Variants in CDH23 observed in about 807,000 individuals in gnomAD.
The protein encoded by CDH23 is cadherin-23.
A neutral mutation model predicts 317.1 loss-of-function variants in CDH23; 189 were observed. That is an observed-to-expected ratio of 0.60 (90% CI 0.53 to 0.67). The LOEUF (loss-of-function observed/expected upper bound fraction) is 0.67. Ranked by LOEUF, CDH23 falls within the 30% of genes least tolerant of loss-of-function variation. The probability of loss-of-function intolerance (pLI) is 0.00; values close to 1 mark genes in which losing one functional copy is unlikely to be tolerated. For synonymous variants in CDH23, 1,839 were observed against 1,876.8 expected, an observed-to-expected ratio of 0.98 and a Z score of 0.52; for missense variants, 4,401 against 4,592.4, an observed-to-expected ratio of 0.96 and a Z score of 1.20.
At chr10:71,620,522 A>G (rs564021147) in intron 11 of CDH23, among the ~76,000 whole-genome samples, 1 of 152,286 alleles carries the variant, frequency 6.6e-6, no homozygotes, top group Admixed American at 6.5e-5. Context: ...AAATGTCTGC[A>G]GGAATGCCCA....
chr10:71,663,490 C>G (rs1428045870), intron 14 of CDH23, among the ~76,000 whole-genome samples: 1 of 152,250 alleles, frequency 6.6e-6, no homozygotes, highest in African/African-American at 2.4e-5. Context: ...CTGGACTCCT[C>G]TCGGCCCTTG....
At chr10:71,445,677 A>T (rs1850121878) in intron 2 of CDH23, among the ~76,000 whole-genome samples, 1 of 152,052 alleles carries the variant, frequency 6.6e-6, no homozygotes, top group South Asian at 2.1e-4. Flanking sequence ...TCCCCACTGC[A>T]TCTATACAAA....
At chr10:71,539,034 G>T (rs1396646012) in intron 6 of CDH23, among the ~76,000 whole-genome samples, 2 of 152,232 alleles carry the variant, frequency 1.3e-5, no homozygotes, top group East Asian at 3.8e-4. Flanking sequence ...GGAACCTGGG[G>T]AGTTTCCGGT....
chr10:71,543,298 C>G (rs1856084927), intron 6 of CDH23, among the ~76,000 whole-genome samples: 4 of 152,164 alleles, frequency 2.6e-5, no homozygotes, highest in Admixed American at 2.6e-4. Flanking sequence ...CTGTTGTCCC[C>G]GAGGACCTCC....
At chr10:71,647,612 C>A (rs1483494445) in intron 14 of CDH23, 1 of 152,256 alleles carries the variant, frequency 6.6e-6, no homozygotes, top group Non-Finnish European at 1.5e-5. Context: ...CAATTTATCA[C>A]CCCTAGTGGG....
At chr10:71,564,968 C>A (rs926388894) in intron 6 of CDH23, among the ~76,000 whole-genome samples, 2 of 152,226 alleles carry the variant, frequency 1.3e-5, no homozygotes, top group African/African-American at 4.8e-5. Flanking sequence ...TTATATTATT[C>A]ATGGCTAGAT....
intron 9 of CDH23, among the ~76,000 whole-genome samples, chr10:71,586,510 A>G (rs1859074027): frequency 2.6e-5 from 4 of 152,242 alleles, no homozygotes; most frequent in South Asian, 4.1e-4. Flanking sequence ...CCTTAATAAT[A>G]TTGTGGATGC....
At chr10:71,603,565 G>A (rs867902687) in intron 9 of CDH23, among the ~76,000 whole-genome samples, 41 of 152,174 alleles carry the variant, frequency 2.7e-4, no homozygotes, top group African/African-American at 9.7e-4. Flanking sequence ...GGGTGTTTGG[G>A]CCTACCTGCC....
intron 18 of CDH23, among the ~76,000 whole-genome samples, chr10:71,684,630 G>T (rs377260080): frequency 1.3e-5 from 2 of 152,216 alleles, no homozygotes; most frequent in East Asian, 3.8e-4. Context: ...GCTGAAATGG[G>T]ATTGTGCAGG....
At chr10:71,535,351 C>T (rs1855638490) in intron 6 of CDH23, among the ~76,000 whole-genome samples, 1 of 152,224 alleles carries the variant, frequency 6.6e-6, no homozygotes, top group Admixed American at 6.5e-5. Context: ...CAGGGCGTGG[C>T]CCCTCCTGCC....
intron 38 of CDH23, among the ~76,000 whole-genome samples, chr10:71,772,955 G>C (rs1840720658): frequency 6.6e-6 from 1 of 152,236 alleles, no homozygotes; most frequent in Non-Finnish European, 1.5e-5. Context: ...AGAGCCCTGA[G>C]ACTAGAGGGG....
chr10:71,759,914 CATAT>C lies in CDH23; in HGVS notation c.4846-17762_4846-17759del, dbSNP rs1564779323. On this transcript the variant is annotated intron_variant, in intron 38 of 69. Coordinates refer to ENST00000224721, the MANE Select transcript of CDH23 (RefSeq NM_022124.6). ...ACACACACACATATATACACACACA[CATAT>C]ATACACACACACATATATACACACA... Among the ~76,000 whole-genome samples the C allele has an allele frequency of 7.0e-5, 4 of 56,820 alleles. 1 individual carries two copies. The highest frequency in any genetic ancestry group is 4.0e-4 in the Admixed American group (2 of 4,994). 37.3% of individuals were successfully genotyped at this position (56,820 alleles called of 152,430 possible).
chr10:71,758,245 A>G (rs1045340400), intron 38 of CDH23, among the ~76,000 whole-genome samples: 3 of 152,134 alleles, frequency 2.0e-5, no homozygotes, highest in Admixed American at 2.0e-4. Flanking sequence ...GTAGCCTTTG[A>G]GTTGGGTTTT....
In CDH23 at chr10:71,535,719, G is replaced by T. The variant is rs189840346; in HGVS notation, c.429+24507G>T. ...CTGGAGGAGATGGACCCTGATGTGAGCCCCAGGGCAGGGACTTGGTTATCT... is the reference window on the plus strand; with the variant it reads ...CTGGAGGAGATGGACCCTGATGTGATCCCCAGGGCAGGGACTTGGTTATCT... On this transcript the variant is annotated intron_variant, in intron 6 of 69. Transcript: ENST00000224721. Among the ~76,000 whole-genome samples, 9 of 152,356 alleles carry T rather than the reference G, an allele frequency of 5.9e-5. No homozygotes were observed. In the East Asian group the frequency reaches 1.7e-3, roughly 29 times the overall value.
At chr10:71,655,239 C>A (rs1317890539) in intron 14 of CDH23, among the ~76,000 whole-genome samples, 1 of 152,174 alleles carries the variant, frequency 6.6e-6, no homozygotes, top group African/African-American at 2.4e-5. Context: ...GGAATTCAAG[C>A]CTTCTAGACC....
chr10:71,810,353 A>T (rs1232163358), intron 61 of CDH23, 119 bp from the exon 62 acceptor site: 2 of 967,850 alleles, frequency 2.1e-6, no homozygotes, highest in Admixed American at 4.0e-5. Flanking sequence ...ACATTCAAAC[A>T]TTCAGTAGTG....
At chr10:71,765,660 A>G (rs1840522225) in intron 38 of CDH23, among the ~76,000 whole-genome samples, 1 of 152,144 alleles carries the variant, frequency 6.6e-6, no homozygotes, top group East Asian at 1.9e-4. Context: ...TGGGTGCATC[A>G]GAGAGAAAGC....
At position 71,815,234 on chromosome 10, in the gene CDH23, C is replaced by T. The variant is rs370074117; in HGVS notation, c.10021C>T (p.Arg3341Cys). ...SAKSTPLHKL[R>C]DVIMETPLEI... ...CAAATCCACACCCCTGCACAAACTT[C>T]GCGACGTGATCATGGAGACCCCCCT... is the stretch of plus-strand genomic sequence containing the variant. The change falls in exon 70 of 70, where the codon CGC (arginine) becomes TGC (cysteine). Residue 3341 changes from arginine to cysteine, a missense_variant. By Grantham distance (180) the Arg-to-Cys change is radical (BLOSUM62 -3). Transcript: ENST00000224721. 305 of 1,593,886 alleles carry T rather than the reference C, an allele frequency of 1.9e-4. No homozygotes were observed. Among genetic ancestry groups the T allele is most frequent in the Non-Finnish European group, 2.0e-4 (237 of 1,165,656 alleles).
intron 4 of CDH23, 95 bp from the exon 5 acceptor site, chr10:71,510,859 G>A: frequency 8.2e-7 from 1 of 1,224,242 alleles, no homozygotes; most frequent in Non-Finnish European, 1.2e-6. Context: ...AGCTCCTAGG[G>A]CAATCCTGGA....
Sources: allele counts gnomAD v4.1 joint callset (sites outside exome capture counted in the v4.1 genomes callset), GRCh38; gene constraint gnomAD v4.1.1; transcripts MANE v1.5; gene names NCBI Gene and HGNC (gene_info 2026-07-23, HGNC 2026-07-21).